CDK14: variants seen among roughly 807,000 people sequenced by gnomAD.
The protein encoded by CDK14 is cyclin-dependent kinase 14.
In CDK14, 34 loss-of-function variants were observed where a neutral mutation model predicts 60.7. The ratio of observed to expected loss-of-function variants is 0.56; its 90% confidence interval spans 0.43 to 0.75. CDK14 has a LOEUF of 0.75. Among genes scored for constraint, CDK14 ranks in the 30% least tolerant of loss-of-function variants. CDK14 has a pLI of 0.00. For missense variants in CDK14, 482 were observed against 564.1 expected (o/e 0.85, Z 1.47); for synonymous variants, 197 against 203.7 (o/e 0.97, Z 0.28).
intron 14 of CDK14, among the ~76,000 whole-genome samples, chr7:91,143,899 A>G (rs968421149): frequency 1.3e-5 from 2 of 152,168 alleles, no homozygotes; most frequent in Admixed American, 6.5e-5. Flanking sequence ...CATGTCCTCA[A>G]TGTCTTACAG....
At chr7:90,914,498 G>A (rs536368532) in intron 7 of CDK14, among the ~76,000 whole-genome samples, 37 of 152,182 alleles carry the variant, frequency 2.4e-4, no homozygotes, top group Non-Finnish European at 4.6e-4. Flanking sequence ...TTGCATAACA[G>A]CACCTAGCAC....
chr7:90,765,881 A>G (rs935907389), intron 4 of CDK14, among the ~76,000 whole-genome samples: 3 of 152,172 alleles, frequency 2.0e-5, no homozygotes, highest in Non-Finnish European at 2.9e-5. Context: ...CACTTGAAGT[A>G]TATTCTTGAT....
chr7:91,024,217 A>T (rs1309435945), intron 10 of CDK14, among the ~76,000 whole-genome samples: 1 of 152,136 alleles, frequency 6.6e-6, no homozygotes, highest in Non-Finnish European at 1.5e-5. Flanking sequence ...AGTACTTTTC[A>T]TGTATTACCT....
intron 12 of CDK14, among the ~76,000 whole-genome samples, chr7:91,084,777 G>T (rs1798585789): frequency 6.6e-6 from 1 of 152,226 alleles, no homozygotes; most frequent in Admixed American, 6.5e-5. Context: ...AGGCTTGGGA[G>T]TTGGCAACAG....
intron 2 of CDK14, among the ~76,000 whole-genome samples, chr7:90,608,886 A>G (rs1348860238): frequency 6.6e-6 from 1 of 152,244 alleles, no homozygotes; most frequent in Non-Finnish European, 1.5e-5. Context: ...GCACATTTTT[A>G]TAGGTTAACT....
chr7:91,042,081 G>T (rs1224723734), intron 10 of CDK14, among the ~76,000 whole-genome samples: 1 of 152,166 alleles, frequency 6.6e-6, no homozygotes, highest in Non-Finnish European at 1.5e-5. Context: ...GAGTCCAGAA[G>T]GTCTTTCAGG....
intron 14 of CDK14, among the ~76,000 whole-genome samples, chr7:91,122,911 T>TCAGC (rs1243592438): frequency 2.0e-5 from 3 of 152,158 alleles, no homozygotes; most frequent in African/African-American, 4.8e-5. Context: ...CCTGATCCAG[T>TCAGC]CAGCTGGGCC....
chr7:91,109,050 T>C (rs903869558), intron 12 of CDK14, among the ~76,000 whole-genome samples: 2 of 152,214 alleles, frequency 1.3e-5, no homozygotes, highest in Non-Finnish European at 2.9e-5. Flanking sequence ...ATAAAATTTT[T>C]GAAAATCTTG....
chr7:90,811,661 A>G (rs1789121349), intron 5 of CDK14, among the ~76,000 whole-genome samples: 1 of 151,954 alleles, frequency 6.6e-6, no homozygotes. Flanking sequence ...AAAAGAAACT[A>G]TCATCAGAGT....
chr7:90,673,992 T>A (rs538039630), intron 2 of CDK14, among the ~76,000 whole-genome samples: 1 of 152,246 alleles, frequency 6.6e-6, no homozygotes, highest in Non-Finnish European at 1.5e-5. Flanking sequence ...TCAGTTGTGC[T>A]GATTGCATTG....
chr7:90,749,195 C>G (rs893026883), intron 4 of CDK14, among the ~76,000 whole-genome samples: 6 of 152,172 alleles, frequency 3.9e-5, no homozygotes, highest in African/African-American at 1.4e-4. Context: ...TCATTCCACA[C>G]CCGGGCAGAT....
intron 12 of CDK14, among the ~76,000 whole-genome samples, chr7:91,088,398 TAAC>T (rs1226931581): frequency 5.3e-5 from 8 of 152,204 alleles, no homozygotes; most frequent in African/African-American, 1.7e-4. Flanking sequence ...ATTATGTCTT[TAAC>T]AACAACAAAA....
At chr7:91,029,151 TA>T (rs1796684825) in intron 10 of CDK14, among the ~76,000 whole-genome samples, 1 of 152,170 alleles carries the variant, frequency 6.6e-6, no homozygotes. Context: ...TGGTGATAGA[TA>T]GGGGTCCAGT....
intron 2 of CDK14, among the ~76,000 whole-genome samples, chr7:90,704,945 T>A (rs1378494690): frequency 7.9e-5 from 12 of 152,028 alleles, no homozygotes; most frequent in Non-Finnish European, 1.6e-4. Flanking sequence ...TTAGGCTTAC[T>A]AAAACAAAAT....
At chr7:90,807,578 T>A (rs189009226) in intron 5 of CDK14, among the ~76,000 whole-genome samples, 1 of 152,202 alleles carries the variant, frequency 6.6e-6, no homozygotes, top group Admixed American at 6.5e-5. Context: ...TCCAAAGGAA[T>A]GCAGCTCCTC....
chr7:90,834,462 A>G (rs921861787), intron 5 of CDK14, among the ~76,000 whole-genome samples: 6 of 152,188 alleles, frequency 3.9e-5, no homozygotes, highest in Non-Finnish European at 8.8e-5. Context: ...TGTGTATGAA[A>G]GATGAGATTT....
intron 9 of CDK14, among the ~76,000 whole-genome samples, chr7:90,956,442 CTAAG>C (rs1794413203): frequency 6.6e-6 from 1 of 152,066 alleles, no homozygotes; most frequent in African/African-American, 2.4e-5. Context: ...GAGTTCCCAA[CTAAG>C]TGTGATCCAA....
At chr7:90,816,891 A>G (rs1243017024) in intron 5 of CDK14, among the ~76,000 whole-genome samples, 1 of 152,218 alleles carries the variant, frequency 6.6e-6, no homozygotes, top group Non-Finnish European at 1.5e-5. Context: ...ACAAGAGAAC[A>G]AGTGAGTCCT....
chr7:90,632,968 A>G (rs983545508), intron 2 of CDK14, among the ~76,000 whole-genome samples: 1 of 152,048 alleles, frequency 6.6e-6, no homozygotes, highest in South Asian at 2.1e-4. Flanking sequence ...ACATGCCTGT[A>G]GTCTGTAGTC....
Sources: gnomAD v4.1 joint callset for allele counts (sites outside exome capture counted in the v4.1 genomes callset) on GRCh38, gnomAD v4.1.1 for gene constraint, MANE v1.5 for transcripts, NCBI Gene and HGNC (gene_info 2026-07-23, HGNC 2026-07-21) for gene names.